The following CA5B variants were observed in gnomAD, a reference collection of about 807,000 sequenced individuals.
CA5B encodes the protein carbonic anhydrase 5B, mitochondrial.
A neutral mutation model predicts 23.1 loss-of-function variants in CA5B; 15 were observed. That is an observed-to-expected ratio of 0.65 (90% CI 0.43 to 1.00). The LOEUF (loss-of-function observed/expected upper bound fraction) is 1.00, where lower values mean the gene tolerates loss of function less well. CA5B is among the 50% of genes least tolerant of loss of function. The pLI is 0.00. For synonymous variants in CA5B, 84 were observed against 98.5 expected (o/e 0.85, Z 0.87); for missense variants, 236 against 252.2 (o/e 0.94, Z 0.43).
chrX:15,756,831 G>A (rs1380254941), intron 2 of CA5B, among the ~76,000 whole-genome samples: 1 of 110,848 alleles, frequency 9.0e-6, no homozygotes, highest in East Asian at 2.8e-4. Flanking sequence ...AAGGCGGGTG[G>A]ATCACAAGGT....
chrX:15,770,798 T>G (rs1931802729), intron 3 of CA5B, among the ~76,000 whole-genome samples: 1 of 109,072 alleles, frequency 9.2e-6, no homozygotes, highest in Admixed American at 9.9e-5. Context: ...GAAAGAGTCT[T>G]TCTCTGTTGC....
chrX:15,784,533 G>A lies in CA5B; in HGVS notation c.*1869G>A, dbSNP rs1932080801. 1 of 112,322 alleles carries A rather than the reference G, an allele frequency of 8.9e-6. No individual in the cohort carries two copies. The highest frequency in any genetic ancestry group is 3.2e-5 in the African/African-American group (1 of 30,897). The allele number at this position is 112,322 out of a possible 1,213,427, so 9.3% of individuals were successfully genotyped here. ...CTCTTGCTTATAAATATCTTGGAAT[G>A]TTTCTGAATGCCTCTAAGCCTATGT... is the stretch of plus-strand genomic sequence containing the variant. On this transcript the variant is annotated 3_prime_UTR_variant, in exon 8 of 8. Transcript: ENST00000318636.
At chrX:15,768,624 CTCTT>C (rs1931759932) in intron 3 of CA5B, 2 of 111,710 alleles carry the variant, frequency 1.8e-5, no homozygotes, top group African/African-American at 6.5e-5. Flanking sequence ...CTCTCTCTCT[CTCTT>C]TTTCCACCTT....
chrX:15,742,544 T>C (rs1412913366), intron 1 of CA5B, among the ~76,000 whole-genome samples: 1 of 112,256 alleles, frequency 8.9e-6, no homozygotes, highest in Non-Finnish European at 1.9e-5. Context: ...TGGCTAATTT[T>C]TGTATTTTTA....
intron 7 of CA5B, among the ~76,000 whole-genome samples, chrX:15,782,004 A>T (rs1325929211): frequency 8.9e-6 from 1 of 111,945 alleles, no homozygotes; most frequent in East Asian, 2.8e-4. Flanking sequence ...ACCCAGGTGC[A>T]GTGAGCAATC....
chrX:15,765,325 C>A, intron 3 of CA5B: 2 of 327,456 alleles, frequency 6.1e-6, no homozygotes, highest in Non-Finnish European at 8.0e-6. Flanking sequence ...AAAAGAAACA[C>A]AATTTAAAAG....
intron 3 of CA5B, chrX:15,767,100 T>G: frequency 1.1e-6 from 1 of 875,124 alleles, no homozygotes. Context: ...AGACCCAGTC[T>G]ATAGGATACC....
At chrX:15,776,693 G>C in intron 6 of CA5B, 21 bp from the exon 7 acceptor site, 1 of 1,191,745 alleles carries the variant, frequency 8.4e-7, no homozygotes, top group African/African-American at 1.7e-5. Context: ...TAATGACTCG[G>C]TTATCTCTTC....
intron 2 of CA5B, among the ~76,000 whole-genome samples, chrX:15,752,591 G>A (rs1381584074): frequency 4.5e-5 from 5 of 111,054 alleles, no homozygotes; most frequent in African/African-American, 1.6e-4. Flanking sequence ...CAGGCGTGGT[G>A]GTGGGCGCCT....
Position 15,753,917 on chromosome X carries a change from T to C in CA5B, c.142+3752T>C, listed in dbSNP as rs146212739. ...AAGAGCGAAATTCTCTCCCAAAAAA[T>C]AAATAAATGAATTTCGGGGTAAAAT... On this transcript the variant is annotated intron_variant, in intron 2 of 7. Coordinates refer to ENST00000318636, the MANE Select transcript of CA5B (RefSeq NM_007220.4). Among the ~76,000 whole-genome samples, 625 of 112,300 alleles carry C rather than the reference T, an allele frequency of 5.6e-3. 7 individuals carry two copies. The highest frequency in any genetic ancestry group is 0.018 in the African/African-American group (560 of 30,946).
intron 2 of CA5B, among the ~76,000 whole-genome samples, chrX:15,756,596 G>C (rs1269831835): frequency 8.9e-6 from 1 of 112,517 alleles, no homozygotes; most frequent in Non-Finnish European, 1.9e-5. Flanking sequence ...GGAAAAGGAA[G>C]GGCTTCTAAG....
chrX:15,753,456 G>C (rs1242305688), intron 2 of CA5B, among the ~76,000 whole-genome samples: 1 of 112,233 alleles, frequency 8.9e-6, no homozygotes, highest in Non-Finnish European at 1.9e-5. Context: ...GCTTCAGAGA[G>C]ATTAGATGGT....
intron 1 of CA5B, among the ~76,000 whole-genome samples, chrX:15,742,924 C>G (rs1311182873): frequency 8.9e-6 from 1 of 112,251 alleles, no homozygotes; most frequent in Non-Finnish European, 1.9e-5. Flanking sequence ...AAACACCCTA[C>G]AATGCACACA....
At chrX:15,752,446 C>T (rs1432030209) in intron 2 of CA5B, among the ~76,000 whole-genome samples, 1 of 112,216 alleles carries the variant, frequency 8.9e-6, no homozygotes, top group African/African-American at 3.2e-5. Context: ...AATCTCTGGG[C>T]CAGGCGCGAT....
At chrX:15,777,974 A>T (rs755922697) in intron 7 of CA5B, among the ~76,000 whole-genome samples, 2 of 111,167 alleles carry the variant, frequency 1.8e-5, no homozygotes, top group African/African-American at 6.5e-5. Context: ...AACAATAAAA[A>T]ACGACTACAA....
At chrX:15,745,380 C>T (rs1190027696) in intron 1 of CA5B, among the ~76,000 whole-genome samples, 1 of 110,357 alleles carries the variant, frequency 9.1e-6, no homozygotes, top group Non-Finnish European at 1.9e-5. Context: ...TTAGTGAGTA[C>T]ATAGTTTATG....
At chrX:15,770,517 A>C (rs1187448300) in intron 3 of CA5B, among the ~76,000 whole-genome samples, 1 of 109,967 alleles carries the variant, frequency 9.1e-6, no homozygotes, top group Admixed American at 9.7e-5. Context: ...TCCTGGCCTC[A>C]AGTGATCCTC....
chrX:15,767,208 A>G (rs1043898503), intron 3 of CA5B: 18 of 264,750 alleles, frequency 6.8e-5, no homozygotes, highest in Non-Finnish European at 8.8e-5. Flanking sequence ...GATCCTTGGT[A>G]TTGGTCAGCT....
chrX:15,761,041 C>T (rs1931593479), intron 2 of CA5B, among the ~76,000 whole-genome samples: 1 of 111,366 alleles, frequency 9.0e-6, no homozygotes, highest in Non-Finnish European at 1.9e-5. Context: ...TCATCTTTCC[C>T]TCTAAGATGA....
Sources: allele counts gnomAD v4.1 joint callset (sites outside exome capture counted in the v4.1 genomes callset), GRCh38; gene constraint gnomAD v4.1.1; transcripts MANE v1.5; gene names NCBI Gene and HGNC (gene_info 2026-07-23, HGNC 2026-07-21).